The following DPP4 variants were observed in gnomAD, a reference collection of about 807,000 sequenced individuals.
DPP4 encodes ADCP-2.
A neutral mutation model predicts 122.4 loss-of-function variants in DPP4; 93 were observed. The ratio of observed to expected loss-of-function variants is 0.76; its 90% CI spans 0.64 to 0.90. DPP4 has a LOEUF of 0.90. Among genes scored for constraint, DPP4 ranks in the 40% least tolerant of loss-of-function variants. The pLI is 0.00. For missense variants in DPP4, 914 were observed against 907.3 expected, an observed-to-expected ratio of 1.01 and a Z score of -0.09; for synonymous variants, 321 against 302.9, an observed-to-expected ratio of 1.06 and a Z score of -0.62.
chr2:162,023,548 C>T (rs1250745314), intron 11 of DPP4, among the ~76,000 whole-genome samples: 3 of 152,200 alleles, frequency 2.0e-5, no homozygotes, highest in Non-Finnish European at 2.9e-5. Flanking sequence ...CCCTCTGCTT[C>T]TATGGCGTTC....
chr2:162,073,233 C>T, intron 2 of DPP4, 166 bp downstream of exon 2: 2 of 627,202 alleles, frequency 3.2e-6, no homozygotes, highest in South Asian at 4.1e-5. Flanking sequence ...CGAAGTGAAT[C>T]CAGCTGCTGC....
chr2:162,045,689 G>A (rs1684148388), intron 4 of DPP4, 77 bp from the exon 5 acceptor site: 1 of 1,051,704 alleles, frequency 9.5e-7, no homozygotes, highest in African/African-American at 1.6e-5. Flanking sequence ...TTCATAGGGG[G>A]TACTGTTCTA....
chr2:162,060,054 CAA>C (rs1405553366), intron 2 of DPP4, among the ~76,000 whole-genome samples: 2 of 152,120 alleles, frequency 1.3e-5, no homozygotes, highest in African/African-American at 4.8e-5. Context: ...TAGTATGCAC[CAA>C]AGCCACATTT....
At chr2:162,019,334 G>T in intron 14 of DPP4, 58 bp from the exon 15 acceptor site, 5 of 1,212,950 alleles carry the variant, frequency 4.1e-6, no homozygotes, top group South Asian at 2.7e-5. Context: ...AGTCAGAGGC[G>T]ATCCACCGCA....
intron 23 of DPP4, among the ~76,000 whole-genome samples, chr2:162,001,429 T>G (rs923921116): frequency 7.2e-5 from 11 of 152,212 alleles, no homozygotes; most frequent in African/African-American, 2.7e-4. Context: ...TAGTCACAAT[T>G]TGAAAACCAC....
At chr2:162,021,385 G>T (rs1216898623) in intron 12 of DPP4, 2 of 152,128 alleles carry the variant, frequency 1.3e-5, no homozygotes, top group Non-Finnish European at 2.9e-5. Context: ...AGAACATAAT[G>T]CAGTTTAAGT....
intron 23 of DPP4, 36 bp from the exon 24 acceptor site, chr2:161,995,408 A>T (rs1449110323): frequency 6.4e-7 from 1 of 1,573,414 alleles, no homozygotes; most frequent in Non-Finnish European, 8.7e-7. Context: ...TATTCAAAAA[A>T]GGATCTGCCA....
intron 2 of DPP4, among the ~76,000 whole-genome samples, chr2:162,059,434 G>A (rs1684687097): frequency 6.6e-6 from 1 of 152,184 alleles, no homozygotes; most frequent in Non-Finnish European, 1.5e-5. Flanking sequence ...GTTCTTAAGT[G>A]TATGACTAAA....
At chr2:162,045,767 C>T (rs147969662) in intron 4 of DPP4, among the ~76,000 whole-genome samples, 155 bp from the exon 5 acceptor site, 74 of 152,190 alleles carry the variant, frequency 4.9e-4, no homozygotes, top group Admixed American at 8.5e-4. Context: ...CACAAATGAC[C>T]GTGATGCAAG....
chr2:162,033,538 T>C lies in DPP4; in HGVS notation c.887+3A>G, dbSNP rs954601132. 1 of 1,609,106 alleles carries C rather than the reference T, an allele frequency of 6.2e-7. No individual in the cohort carries two copies. Among genetic ancestry groups the C allele is most frequent in the Admixed American group, 1.7e-5 (1 of 59,770 alleles). ...AGCCAAGCATTCAGGACAAGAGTCT[T>C]ACCCTATCAACATAGAAGCAGGAGC... is the stretch of plus-strand genomic sequence containing the variant. On this transcript the variant is annotated splice_donor_region_variant and intron_variant, in intron 10 of 25. Coordinates refer to ENST00000360534, the MANE Select transcript of DPP4 (RefSeq NM_001935.4).
intron 25 of DPP4, 123 bp downstream of exon 25, chr2:161,994,838 A>C: frequency 1.2e-6 from 1 of 849,884 alleles, no homozygotes; most frequent in Admixed American, 2.5e-5. Flanking sequence ...CTTCACGTTG[A>C]AAAAAAAATT....
intron 25 of DPP4, 48 bp downstream of exon 25, chr2:161,994,913 T>C: frequency 6.4e-7 from 1 of 1,557,022 alleles, no homozygotes; most frequent in South Asian, 1.1e-5. Context: ...AAGAGGAAAC[T>C]AGACCCCACC....
rs372877653 is a variant in DPP4, at chr2:162,022,697, A to G, written c.1068+58T>C. The G allele has an allele frequency of 5.2e-6, 8 of 1,536,070 alleles. No individual in the cohort carries two copies. The South Asian group carries it at 5.6e-5, about 11-fold the overall frequency. ...TAGAGCCCTAGTTTTAAATAGCTGC[A>G]TATCAAATAGCTGAGTAGCTGACTC... On this transcript the variant is annotated intron_variant, in intron 12 of 25. Transcript: ENST00000360534.
At chr2:162,020,924 C>G (rs72868646) in intron 12 of DPP4, among the ~76,000 whole-genome samples, 92 of 152,276 alleles carry the variant, frequency 6.0e-4, no homozygotes, top group Non-Finnish European at 1.2e-3. Context: ...TATAAAGAGG[C>G]TTGTAGAAAA....
chr2:162,054,010 G>GC (rs1392729932), intron 2 of DPP4, among the ~76,000 whole-genome samples: 1 of 152,122 alleles, frequency 6.6e-6, no homozygotes, highest in African/African-American at 2.4e-5. Context: ...CATGGGCCGT[G>GC]CCCAGCAAAG....
intron 3 of DPP4, 72 bp downstream of exon 3, chr2:162,047,331 T>A: frequency 1.1e-6 from 1 of 871,670 alleles, no homozygotes; most frequent in East Asian, 2.6e-5. Flanking sequence ...CTCAGTGCCA[T>A]AAAAGCCCAC....
chr2:161,992,773 T>C lies in DPP4; in HGVS notation c.*510A>G, dbSNP rs1462133100. On this transcript the variant is annotated 3_prime_UTR_variant, in exon 26 of 26. Coordinates refer to ENST00000360534, the MANE Select transcript of DPP4 (RefSeq NM_001935.4). ...CTGTGCCAGTCTGGCTGTGAACAGCTCTTCTCCGAGGGGAGCTGACAGTAG... is the reference window on the plus strand; with the variant it reads ...CTGTGCCAGTCTGGCTGTGAACAGCCCTTCTCCGAGGGGAGCTGACAGTAG... The C allele has an allele frequency of 6.5e-6, 1 of 154,664 alleles. No homozygotes were observed. Among genetic ancestry groups the C allele is most frequent in the Non-Finnish European group, 1.4e-5 (1 of 69,252 alleles). 9.6% of individuals were successfully genotyped at this position (154,664 alleles called of 1,614,324 possible).
chr2:162,021,592 T>C (rs1683130219), intron 12 of DPP4: 1 of 152,208 alleles, frequency 6.6e-6, no homozygotes, highest in Admixed American at 6.5e-5. Context: ...TCAAAGCGAA[T>C]TCATTTATGG....
At chr2:162,019,308 A>C in intron 14 of DPP4, 32 bp from the exon 15 acceptor site, 2 of 1,402,294 alleles carry the variant, frequency 1.4e-6, no homozygotes, top group Non-Finnish European at 2.0e-6. Context: ...ATATATATTA[A>C]TTATGTTTTT....
Sources: allele counts gnomAD v4.1 joint callset (sites outside exome capture counted in the v4.1 genomes callset), GRCh38; gene constraint gnomAD v4.1.1; transcripts MANE v1.5; gene names NCBI Gene and HGNC (gene_info 2026-07-23, HGNC 2026-07-21).